Variants in CRISPLD2 observed in about 807,000 individuals in gnomAD.
CRISPLD2 encodes cysteine-rich secretory protein LCCL domain-containing 2.
In CRISPLD2, 47 loss-of-function variants were observed where a neutral mutation model predicts 71.1. That is an observed-to-expected ratio of 0.66 (90% CI 0.52 to 0.84). The LOEUF (loss-of-function observed/expected upper bound fraction) is 0.84. CRISPLD2 is among the 40% of genes least tolerant of loss of function. The probability of loss-of-function intolerance (pLI) is 0.00; values close to 1 mark genes in which losing one functional copy is unlikely to be tolerated. For synonymous variants in CRISPLD2, 317 were observed against 250.1 expected (o/e 1.27, Z -2.52); for missense variants, 830 against 651.1 (o/e 1.27, Z -2.99).
At chr16:84,882,826 A>T (rs2071580420) in intron 13 of CRISPLD2, among the ~76,000 whole-genome samples, 1 of 152,212 alleles carries the variant, frequency 6.6e-6, no homozygotes, top group Admixed American at 6.5e-5. Flanking sequence ...AACCTGTCCA[A>T]ATCCACACAG....
chr16:84,865,407 C>T (rs902815934), intron 6 of CRISPLD2, among the ~76,000 whole-genome samples: 6 of 152,232 alleles, frequency 3.9e-5, no homozygotes, highest in African/African-American at 9.6e-5. Context: ...CCACCCGCCT[C>T]GGCTTCCCAA....
In CRISPLD2 at chr16:84,834,065, C is replaced by T. The variant is rs145097401; in HGVS notation, c.-74-4357C>T. Reference sequence around the variant, plus strand: ...CTGGGCCTCGAGGTTAGAAGAGCTGCGTTCCGGCTCCAGACTTGCTGCTCG... The same window carrying T: ...CTGGGCCTCGAGGTTAGAAGAGCTGTGTTCCGGCTCCAGACTTGCTGCTCG... On this transcript the variant is annotated intron_variant, in intron 1 of 14. Transcript: ENST00000262424. Among the ~76,000 whole-genome samples the T allele has an allele frequency of 1.1e-4, 16 of 152,286 alleles. 1 individual carries two copies. The East Asian group carries it at 2.9e-3, about 28-fold the overall frequency.
At chr16:84,833,919 C>G (rs7404695) in intron 1 of CRISPLD2, among the ~76,000 whole-genome samples, 8,922 of 152,198 alleles carry the variant, frequency 0.059, 404 homozygotes, top group South Asian at 0.094. Flanking sequence ...GGGCAAGATT[C>G]GGTTGTTTGG....
chr16:84,845,683 T>A (rs1361068912), intron 2 of CRISPLD2, 103 bp from the exon 3 acceptor site: 1 of 792,920 alleles, frequency 1.3e-6, no homozygotes, highest in Non-Finnish European at 2.1e-6. Context: ...GAGCATTGGC[T>A]GTAGGCTCCA....
rs1254409879 is a variant in CRISPLD2, at chr16:84,873,014, C to T, written c.1004C>T (p.Ala335Val). ...YESSSSICRA[A>V]IHYGILDDKG... The stretch of plus-strand genomic sequence containing the variant: ...CAGTCGTCTAGCATATGCCGCGCCG[C>T]CATCCACTACGGGATCCTGGATGAC... Residue 335 changes from alanine to valine, a missense_variant, in exon 10 of 15, where the codon GCC becomes GTC. Physicochemically the swap from Ala to Val is moderately conservative, Grantham distance 64 (BLOSUM62 0). Coordinates refer to ENST00000262424, the MANE Select transcript of CRISPLD2 (RefSeq NM_031476.4). 6.2e-7 allele frequency: 1 copy of T among 1,613,496 alleles called. No individual in the cohort carries two copies. Among genetic ancestry groups the T allele is most frequent in the Non-Finnish European group, 8.5e-7 (1 of 1,179,830 alleles).
At chr16:84,902,918 G>T (rs2071768396) in intron 14 of CRISPLD2, among the ~76,000 whole-genome samples, 1 of 151,396 alleles carries the variant, frequency 6.6e-6, no homozygotes, top group African/African-American at 2.4e-5. Flanking sequence ...GATTACTGGT[G>T]CCTGCCACCA....
intron 6 of CRISPLD2, among the ~76,000 whole-genome samples, chr16:84,858,121 G>A (rs1486325078): frequency 6.6e-6 from 1 of 152,226 alleles, no homozygotes; most frequent in Non-Finnish European, 1.5e-5. Context: ...CCTCTGCTGT[G>A]ATTCACCTAT....
At chr16:84,880,785 A>C (rs969500619) in intron 13 of CRISPLD2, 1 of 438,552 alleles carries the variant, frequency 2.3e-6, no homozygotes, top group Admixed American at 3.5e-5. Context: ...GGCCCACTGT[A>C]ACCTCTGCCT....
At chr16:84,869,364 TG>T in intron 8 of CRISPLD2, among the ~76,000 whole-genome samples, 1 of 152,254 alleles carries the variant, frequency 6.6e-6, no homozygotes, top group East Asian at 1.9e-4. Flanking sequence ...ACCATGTCAT[TG>T]GGAGAGGGGA....
At chr16:84,883,912 C>G (rs1044855434) in intron 13 of CRISPLD2, among the ~76,000 whole-genome samples, 2 of 149,792 alleles carry the variant, frequency 1.3e-5, no homozygotes, top group African/African-American at 4.9e-5. Context: ...GGCGTGACCT[C>G]GGCTCACTGC....
At chr16:84,870,031 T>C (rs1262196347) in intron 8 of CRISPLD2, among the ~76,000 whole-genome samples, 1 of 152,212 alleles carries the variant, frequency 6.6e-6, no homozygotes, top group East Asian at 1.9e-4. Flanking sequence ...AGCCCCAGTG[T>C]GCCACTGTGG....
At chr16:84,897,435 A>G (rs1372167136) in intron 14 of CRISPLD2, among the ~76,000 whole-genome samples, 2 of 152,196 alleles carry the variant, frequency 1.3e-5, no homozygotes, top group Non-Finnish European at 1.5e-5. Flanking sequence ...AGCCTCGGTG[A>G]CAGAGCAAGA....
chr16:84,823,919 A>G (rs1458247057), intron 1 of CRISPLD2, among the ~76,000 whole-genome samples: 1 of 152,160 alleles, frequency 6.6e-6, no homozygotes, highest in African/African-American at 2.4e-5. Context: ...AAAAAAAGTC[A>G]TGCTCCCATT....
At chr16:84,852,211 A>C (rs1917108425) in intron 5 of CRISPLD2, among the ~76,000 whole-genome samples, 1 of 152,270 alleles carries the variant, frequency 6.6e-6, no homozygotes, top group Non-Finnish European at 1.5e-5. Context: ...CCCTGTCTCC[A>C]AGTACAGTCA....
In CRISPLD2 at chr16:84,822,484, G is replaced by A. The variant is rs530089802; in HGVS notation, c.-75+2351G>A. Among the ~76,000 whole-genome samples the A allele has an allele frequency of 4.6e-5, 7 of 152,286 alleles. No homozygotes were observed. In the South Asian group the frequency reaches 6.2e-4, roughly 14 times the overall value. ...AACTTTTCTTTCCTCTGTCACCAGC[G>A]TCATTTGCTGTGTGTGGGAGGTGTC... On this transcript the variant is annotated intron_variant, in intron 1 of 14. Transcript: ENST00000262424.
At chr16:84,839,974 G>A (rs1474816677) in intron 2 of CRISPLD2, 3 of 150,142 alleles carry the variant, frequency 2.0e-5, no homozygotes, top group East Asian at 1.9e-4. Context: ...AGCTGAGATT[G>A]CACCACTGCA....
chr16:84,888,756 A>G (rs1215333516), intron 13 of CRISPLD2, among the ~76,000 whole-genome samples: 1 of 152,220 alleles, frequency 6.6e-6, no homozygotes, highest in African/African-American at 2.4e-5. Context: ...GTGCAGAGAC[A>G]TTCCCACGGC....
At chr16:84,850,717 G>T (rs2143216716) in intron 5 of CRISPLD2, 34 bp downstream of exon 5, 2 of 1,561,186 alleles carry the variant, frequency 1.3e-6, no homozygotes, top group African/African-American at 1.4e-5. Flanking sequence ...ATGGGGTGGG[G>T]GTTGGGATGT....
intron 1 of CRISPLD2, among the ~76,000 whole-genome samples, chr16:84,827,513 T>A (rs1256783545): frequency 6.6e-6 from 1 of 151,622 alleles, no homozygotes; most frequent in Non-Finnish European, 1.5e-5. Flanking sequence ...TGTGACCCCT[T>A]CTGAGCCTTT....
Sources: allele counts gnomAD v4.1 joint callset (sites outside exome capture counted in the v4.1 genomes callset), GRCh38; gene constraint gnomAD v4.1.1; transcripts MANE v1.5; gene names NCBI Gene and HGNC (gene_info 2026-07-23, HGNC 2026-07-21).